NOL4: variants seen among roughly 807,000 people sequenced by gnomAD.
The protein encoded by NOL4 is cancer/testis antigen 125.
Under a neutral mutation model 75.9 loss-of-function variants are expected in NOL4, and 17 were observed. The observed-to-expected ratio is 0.22, with a 90% CI of 0.15 to 0.34. NOL4 has a LOEUF of 0.34. Ranked by LOEUF, NOL4 falls within the 10% of genes least tolerant of loss-of-function variation. The pLI is 1.00. For synonymous variants in NOL4, 292 were observed against 289.9 expected (o/e 1.01, Z -0.07); for missense variants, 614 against 793.5 (o/e 0.77, Z 2.72).
At chr18:33,934,688 T>A (rs1222593070) in intron 9 of NOL4, among the ~76,000 whole-genome samples, 1 of 152,146 alleles carries the variant, frequency 6.6e-6, no homozygotes, top group Non-Finnish European at 1.5e-5. Flanking sequence ...TGCAGCTTCC[T>A]CACCTCTCTT....
At chr18:33,929,818 C>A (rs2067571464) in intron 9 of NOL4, among the ~76,000 whole-genome samples, 1 of 151,964 alleles carries the variant, frequency 6.6e-6, no homozygotes, top group Admixed American at 6.6e-5. Flanking sequence ...CTTGTTGATA[C>A]AGATATATTA....
Position 33,937,879 on chromosome 18 carries a change from C to CT in NOL4, c.1542+5185dup, listed in dbSNP as rs573610255. 5.4e-3 allele frequency among the ~76,000 whole-genome samples: 816 copies of CT among 152,090 alleles called. 5 individuals are homozygous for CT. Among genetic ancestry groups the CT allele is most frequent in the Non-Finnish European group, 8.9e-3 (602 of 67,972 alleles). The stretch of plus-strand genomic sequence containing the variant: ...TGAAGCACTTTGGGAAGTTTGTAGC[C>CT]TTTTTTAGGCTGATATCCAGGCAAA... On this transcript the variant is annotated intron_variant, in intron 9 of 10. Transcript: ENST00000261592.
At chr18:33,934,820 C>T (rs963077492) in intron 9 of NOL4, among the ~76,000 whole-genome samples, 11 of 149,794 alleles carry the variant, frequency 7.3e-5, no homozygotes, top group African/African-American at 1.5e-4. Flanking sequence ...GTAATAAGGC[C>T]GTTTTGCTTT....
rs979658827 is a variant in NOL4 at position 33,916,237 on chromosome 18, A to C, written c.1542+26828T>G. 4.6e-5 allele frequency among the ~76,000 whole-genome samples: 7 copies of C among 152,230 alleles called. No individual in the cohort carries two copies. The East Asian group carries it at 1.4e-3, about 29-fold the overall frequency. ...ATTCCAAGCTCTAGAATGACTCTCT[A>C]TGTTTCATGAGTTCTAAATAAATGA... On this transcript the variant is annotated intron_variant, in intron 9 of 10. Coordinates refer to ENST00000261592, the MANE Select transcript of NOL4 (RefSeq NM_003787.5).
At chr18:34,066,861 A>G (rs1005291723) in intron 5 of NOL4, among the ~76,000 whole-genome samples, 1 of 152,100 alleles carries the variant, frequency 6.6e-6, no homozygotes, top group East Asian at 1.9e-4. Flanking sequence ...AGGAATTACT[A>G]TAAAACAAAG....
chr18:34,177,688 G>A (rs1055279783), intron 1 of NOL4, among the ~76,000 whole-genome samples: 1 of 151,758 alleles, frequency 6.6e-6, no homozygotes, highest in East Asian at 1.9e-4. Flanking sequence ...ATGGCCAGAC[G>A]TCATGGAAGC....
chr18:34,182,295 CAGAT>C (rs980664491), intron 1 of NOL4, among the ~76,000 whole-genome samples: 3 of 151,422 alleles, frequency 2.0e-5, no homozygotes, highest in South Asian at 4.2e-4. Context: ...TGAAAGAAAA[CAGAT>C]AGGAAGTTCC....
intron 9 of NOL4, among the ~76,000 whole-genome samples, chr18:33,903,519 C>T (rs1004348205): frequency 6.6e-6 from 1 of 152,108 alleles, no homozygotes; most frequent in African/African-American, 2.4e-5. Flanking sequence ...GCACTCACTC[C>T]TGCCATTATC....
chr18:33,884,284 CTTT>C (rs1230831717), intron 9 of NOL4, among the ~76,000 whole-genome samples: 1 of 151,866 alleles, frequency 6.6e-6, no homozygotes, highest in African/African-American at 2.4e-5. Context: ...GTGTCTTTCT[CTTT>C]TTATTATTTT....
intron 5 of NOL4, among the ~76,000 whole-genome samples, chr18:34,071,730 C>T (rs763920754): frequency 1.3e-5 from 2 of 152,112 alleles, no homozygotes; most frequent in Non-Finnish European, 2.9e-5. Flanking sequence ...CTAGACTAAG[C>T]TAAACTATGA....
At chr18:34,054,911 A>G (rs556371951) in intron 5 of NOL4, among the ~76,000 whole-genome samples, 4 of 150,456 alleles carry the variant, frequency 2.7e-5, no homozygotes, top group African/African-American at 9.7e-5. Flanking sequence ...TAAAGTTGTA[A>G]CATAACATTC....
chr18:34,148,355 C>T (rs142658403), intron 1 of NOL4, among the ~76,000 whole-genome samples: 153 of 152,150 alleles, frequency 1.0e-3, no homozygotes, highest in African/African-American at 3.6e-3. Context: ...GCATTTAGTG[C>T]TATAAATTTT....
chr18:34,014,896 T>G (rs2074593045), intron 6 of NOL4, among the ~76,000 whole-genome samples: 1 of 152,072 alleles, frequency 6.6e-6, no homozygotes, highest in Admixed American at 6.6e-5. Context: ...CTGTTCAATT[T>G]TTCAATGCTT....
At chr18:33,882,345 A>C (rs577199023) in intron 10 of NOL4, among the ~76,000 whole-genome samples, 5,904 of 152,042 alleles carry the variant, frequency 0.039, 350 homozygotes, top group African/African-American at 0.13. Flanking sequence ...CAATGAACTC[A>C]AACAAATTTA....
chr18:34,119,817 T>C (rs1350177479), intron 2 of NOL4, among the ~76,000 whole-genome samples: 1 of 152,004 alleles, frequency 6.6e-6, no homozygotes, highest in Non-Finnish European at 1.5e-5. Context: ...AGAGACGGGG[T>C]TTCACAGTGT....
intron 1 of NOL4, among the ~76,000 whole-genome samples, chr18:34,205,188 C>T (rs1046294828): frequency 2.6e-5 from 4 of 152,060 alleles, no homozygotes; most frequent in African/African-American, 9.7e-5. Context: ...CTGGAAAACT[C>T]ATCATAATAT....
intron 10 of NOL4, among the ~76,000 whole-genome samples, chr18:33,874,738 C>G (rs1276826106): frequency 6.6e-6 from 1 of 151,938 alleles, no homozygotes; most frequent in African/African-American, 2.4e-5. Context: ...AATAAAAATG[C>G]TCCTTTGAAC....
At chr18:34,125,642 TTTTC>T (rs1306022661) in intron 2 of NOL4, among the ~76,000 whole-genome samples, 1 of 152,116 alleles carries the variant, frequency 6.6e-6, no homozygotes, top group African/African-American at 2.4e-5. Context: ...AGTATAAATA[TTTTC>T]TTTATTAATG....
intron 5 of NOL4, among the ~76,000 whole-genome samples, chr18:34,056,770 G>A (rs565473615): frequency 6.6e-6 from 1 of 152,076 alleles, no homozygotes; most frequent in Non-Finnish European, 1.5e-5. Context: ...GCATTGGTCT[G>A]GGTGCCGCTA....
Sources: gnomAD v4.1 joint callset for allele counts (sites outside exome capture counted in the v4.1 genomes callset) on GRCh38, gnomAD v4.1.1 for gene constraint, MANE v1.5 for transcripts, NCBI Gene and HGNC (gene_info 2026-07-23, HGNC 2026-07-21) for gene names.